Variants in IMMP1L observed in about 807,000 individuals in gnomAD.
IMMP1L encodes the protein mitochondrial inner membrane protease subunit 1.
A neutral mutation model predicts 21.8 loss-of-function variants in IMMP1L; 24 were observed. The observed-to-expected ratio is 1.10, with a 90% confidence interval of 0.80 to 1.55. The LOEUF (loss-of-function observed/expected upper bound fraction) is 1.55, where lower values mean the gene tolerates loss of function less well. Ranked by LOEUF, IMMP1L falls within the 40% of genes most tolerant of loss-of-function variation. The pLI is 0.00. For synonymous variants in IMMP1L, 46 were observed against 62.8 expected (o/e 0.73, Z 1.26); for missense variants, 195 against 200.7 (o/e 0.97, Z 0.17).
chr11:31,470,884 TATC>T (rs1954525555), intron 1 of IMMP1L, among the ~76,000 whole-genome samples: 1 of 152,186 alleles, frequency 6.6e-6, no homozygotes, highest in Admixed American at 6.5e-5. Flanking sequence ...GAAAGACACA[TATC>T]ATATGTTCTC....
At position 31,433,573 on chromosome 11, in the gene IMMP1L, A is replaced by G. The variant is rs1392330655; in HGVS notation, c.322-3T>C. ...AACCAAACATGACCCATTGGCACCT[A>G]GAATTAGAGAAGAAATGCAGCCTCT... On this transcript the variant is annotated splice_polypyrimidine_tract_variant and splice_region_variant and intron_variant, in intron 4 of 5. Transcript: ENST00000532287. 6.4e-7 allele frequency: 1 copy of G among 1,571,666 alleles called. No homozygotes were observed. Among genetic ancestry groups the G allele is most frequent in the Admixed American group, 1.7e-5 (1 of 58,090 alleles).
In IMMP1L at chr11:31,470,412, T is replaced by TCAAAAAA. The variant is rs1191073596; in HGVS notation, c.-29-7114_-29-7108dup. ...TGGGCAATAAGAGCAAAACTCCATC[T>TCAAAAAA]CAAAAAACAAAAAACAAAAAACAAA... On this transcript the variant is annotated intron_variant, in intron 1 of 5. Coordinates refer to ENST00000532287, the MANE Select transcript of IMMP1L (RefSeq NM_001304274.2). Among the ~76,000 whole-genome samples, 3 of 143,818 alleles carry TCAAAAAA rather than the reference T, an allele frequency of 2.1e-5. No homozygotes were observed. The East Asian group carries it at 6.1e-4, about 29-fold the overall frequency. 94.4% of individuals were successfully genotyped at this position (143,818 alleles called of 152,430 possible).
chr11:31,436,720 G>A (rs1405645690), intron 4 of IMMP1L, among the ~76,000 whole-genome samples: 1 of 151,962 alleles, frequency 6.6e-6, no homozygotes, highest in East Asian at 1.9e-4. Context: ...GGGTGAGCCA[G>A]TGCGCCCAAC....
chr11:31,436,225 A>G (rs1178107566), intron 4 of IMMP1L, among the ~76,000 whole-genome samples: 6 of 152,068 alleles, frequency 3.9e-5, no homozygotes, highest in African/African-American at 1.4e-4. Flanking sequence ...TTTTTTATGC[A>G]GTATTTACTT....
chr11:31,504,247 A>C (rs1955716158), intron 1 of IMMP1L, among the ~76,000 whole-genome samples: 1 of 152,242 alleles, frequency 6.6e-6, no homozygotes, highest in Non-Finnish European at 1.5e-5. Flanking sequence ...TGAAATCAAA[A>C]GATAAGAAAA....
chr11:31,460,642 A>G lies in IMMP1L; in HGVS notation c.178T>C (p.Phe60Leu). 1 of 1,605,100 alleles carries G rather than the reference A, an allele frequency of 6.2e-7. No individual in the cohort carries two copies. The highest frequency in any genetic ancestry group is 1.1e-5 in the South Asian group (1 of 90,782). Residue 60 changes from phenylalanine to leucine, a missense_variant, in exon 3 of 6, where the codon TTT (phenylalanine) becomes CTT (leucine). By Grantham distance (22) the Phe-to-Leu change is conservative. Coordinates refer to ENST00000532287, the MANE Select transcript of IMMP1L (RefSeq NM_001304274.2). The part of the protein sequence containing the change: ...IVFAENLSRH[F>L]YGIQRGDIVI... Reference sequence around the variant, plus strand: ...GAAATTTACCTTTGGATACCATAAAAATGTCGACTAAGATTTTCTGCAAAG... The same window carrying G: ...GAAATTTACCTTTGGATACCATAAAGATGTCGACTAAGATTTTCTGCAAAG...
intron 4 of IMMP1L, among the ~76,000 whole-genome samples, chr11:31,445,935 TA>T (rs1388513282): frequency 6.6e-6 from 1 of 152,208 alleles, no homozygotes; most frequent in Non-Finnish European, 1.5e-5. Context: ...AAGGAGGGAA[TA>T]GCAAAGCATC....
At chr11:31,505,293 A>G (rs906936499) in intron 1 of IMMP1L, among the ~76,000 whole-genome samples, 1 of 152,224 alleles carries the variant, frequency 6.6e-6, no homozygotes, top group Non-Finnish European at 1.5e-5. Flanking sequence ...ATAAAAAATA[A>G]AAAACGTCGG....
At chr11:31,455,092 T>C (rs1591969887) in intron 4 of IMMP1L, among the ~76,000 whole-genome samples, 3 of 152,256 alleles carry the variant, frequency 2.0e-5, no homozygotes, top group East Asian at 3.9e-4. Flanking sequence ...GTAATAAATA[T>C]CAAAAACACT....
At chr11:31,480,578 A>C (rs1954861727) in intron 1 of IMMP1L, among the ~76,000 whole-genome samples, 1 of 152,040 alleles carries the variant, frequency 6.6e-6, no homozygotes, top group African/African-American at 2.4e-5. Flanking sequence ...TCATTCCTTT[A>C]TAATATCTAT....
intron 1 of IMMP1L, among the ~76,000 whole-genome samples, chr11:31,500,612 A>ACAC (rs1491094510): frequency 0.11 from 15,838 of 145,064 alleles, 919 homozygotes; most frequent in Middle Eastern, 0.13. Context: ...CACACACACA[A>ACAC]ACACACACAC....
At chr11:31,477,514 G>C in intron 1 of IMMP1L, 1 of 982,650 alleles carries the variant, frequency 1.0e-6, no homozygotes, top group South Asian at 4.7e-5. Context: ...ATTTTTTGTT[G>C]TTGTTGTTTA....
intron 1 of IMMP1L, among the ~76,000 whole-genome samples, chr11:31,490,809 A>G (rs1361806446): frequency 6.6e-6 from 1 of 152,194 alleles, no homozygotes; most frequent in Admixed American, 6.5e-5. Flanking sequence ...AGATGTAATT[A>G]AGGTAAGGAC....
chr11:31,458,864 A>G (rs2133645806), intron 3 of IMMP1L, among the ~76,000 whole-genome samples: 1 of 152,308 alleles, frequency 6.6e-6, no homozygotes, highest in East Asian at 1.9e-4. Flanking sequence ...GAATGCAACG[A>G]GTAATTTTTT....
chr11:31,476,020 A>C (rs985512300), intron 1 of IMMP1L, among the ~76,000 whole-genome samples: 2 of 152,158 alleles, frequency 1.3e-5, no homozygotes, highest in Non-Finnish European at 2.9e-5. Flanking sequence ...TAAATATATA[A>C]TACTACAAGC....
chr11:31,449,786 G>A (rs149204335), intron 4 of IMMP1L, among the ~76,000 whole-genome samples: 2 of 152,222 alleles, frequency 1.3e-5, no homozygotes, highest in African/African-American at 4.8e-5. Flanking sequence ...TGACATCTAT[G>A]GTACCAAAGA....
chr11:31,508,349 A>G (rs897187739), intron 1 of IMMP1L, among the ~76,000 whole-genome samples: 1 of 152,178 alleles, frequency 6.6e-6, no homozygotes, highest in Non-Finnish European at 1.5e-5. Flanking sequence ...GACCATTTTT[A>G]TTACCATAGG....
rs187889652 is a variant in IMMP1L, at chr11:31,467,870, C to T, written c.-29-4565G>A. On this transcript the variant is annotated intron_variant, in intron 1 of 5. Transcript: ENST00000532287. Reference sequence around the variant, plus strand: ...AACTTAACACAATGACCAAATTTAGCAGCATACTGATATCATGTGGCCTCT... The same window carrying T: ...AACTTAACACAATGACCAAATTTAGTAGCATACTGATATCATGTGGCCTCT... Among the ~76,000 whole-genome samples the T allele has an allele frequency of 3.0e-3, 445 of 150,812 alleles. 2 individuals carry two copies. Among genetic ancestry groups the T allele is most frequent in the African/African-American group, 1.0e-2 (409 of 40,960 alleles).
At chr11:31,475,221 T>C (rs16925647) in intron 1 of IMMP1L, among the ~76,000 whole-genome samples, 2,887 of 152,334 alleles carry the variant, frequency 0.019, 80 homozygotes, top group African/African-American at 0.065. Flanking sequence ...TTATAAAGAA[T>C]AAGCAGTTGA....
Sources: allele counts gnomAD v4.1 joint callset (sites outside exome capture counted in the v4.1 genomes callset), GRCh38; gene constraint gnomAD v4.1.1; transcripts MANE v1.5; gene names NCBI Gene and HGNC (gene_info 2026-07-23, HGNC 2026-07-21).